ANKRD6: variants seen among roughly 807,000 people sequenced by gnomAD.
ANKRD6 encodes ankyrin repeat domain-containing protein 6.
Under a neutral mutation model 82.3 loss-of-function variants are expected in ANKRD6, and 56 were observed. The ratio of observed to expected loss-of-function variants is 0.68; its 90% CI spans 0.55 to 0.85. ANKRD6 has a LOEUF of 0.85. ANKRD6 is among the 40% of genes least tolerant of loss of function. The pLI is 0.00. For synonymous variants in ANKRD6, 347 were observed against 352.1 expected, an observed-to-expected ratio of 0.99 and a Z score of 0.16; for missense variants, 852 against 907.6, an observed-to-expected ratio of 0.94 and a Z score of 0.79.
chr6:89,600,899 T>C (rs1473963943), intron 3 of ANKRD6, among the ~76,000 whole-genome samples: 2 of 151,742 alleles, frequency 1.3e-5, no homozygotes, highest in African/African-American at 4.8e-5. Context: ...AAATTAGGCA[T>C]GGTGGCAAGT....
intron 2 of ANKRD6, chr6:89,581,659 T>TG (rs71024384): frequency 0.8 from 122,420 of 152,120 alleles, 49,720 homozygotes; most frequent in East Asian, 0.91. Flanking sequence ...AAGGGAAAAG[T>TG]GGGGGAGTGA....
intron 1 of ANKRD6, among the ~76,000 whole-genome samples, chr6:89,558,350 T>C (rs1786905714): frequency 6.6e-6 from 1 of 152,118 alleles, no homozygotes; most frequent in Non-Finnish European, 1.5e-5. Context: ...AAAAGCAAAT[T>C]GTGGTACAAT....
At chr6:89,528,897 G>C (rs955121273) in intron 1 of ANKRD6, among the ~76,000 whole-genome samples, 2 of 152,234 alleles carry the variant, frequency 1.3e-5, no homozygotes, top group African/African-American at 2.4e-5. Context: ...TGTTATCTGA[G>C]CAGTAGGTCT....
chr6:89,591,247 G>A (rs1322289943), intron 2 of ANKRD6, among the ~76,000 whole-genome samples: 3 of 152,092 alleles, frequency 2.0e-5, no homozygotes, highest in African/African-American at 7.2e-5. Flanking sequence ...GGGACTACAG[G>A]CGCACAAAAC....
Position 89,440,215 on chromosome 6 carries a change from T to C in ANKRD6, c.-144+6840T>C, listed in dbSNP as rs1582589510. On this transcript the variant is annotated intron_variant, in intron 1 of 15. Transcript: ENST00000339746. ...GGGAAAGAGTAATTCTCAAAAAGAT[T>C]TCTTAGAACTCTGGCTTATATAGCA... 2.6e-5 allele frequency among the ~76,000 whole-genome samples: 4 copies of C among 152,286 alleles called. No homozygotes were observed. In the East Asian group the frequency reaches 7.7e-4, roughly 29 times the overall value.
chr6:89,518,943 C>T (rs1362985408), intron 1 of ANKRD6, among the ~76,000 whole-genome samples: 3 of 152,232 alleles, frequency 2.0e-5, no homozygotes, highest in Non-Finnish European at 2.9e-5. Context: ...CCTTTCCCCT[C>T]AGCTTGCAGA....
chr6:89,601,643 A>G (rs1434692175), intron 3 of ANKRD6: 1 of 152,220 alleles, frequency 6.6e-6, no homozygotes, highest in African/African-American at 2.4e-5. Flanking sequence ...TAAAATATAC[A>G]TAGCATTAAA....
At chr6:89,610,390 GT>G (rs995921254) in intron 5 of ANKRD6, among the ~76,000 whole-genome samples, 8 of 152,110 alleles carry the variant, frequency 5.3e-5, no homozygotes, top group African/African-American at 1.9e-4. Flanking sequence ...TTAGCATAAT[GT>G]TTTTGAGATT....
intron 1 of ANKRD6, among the ~76,000 whole-genome samples, chr6:89,502,600 G>A (rs1779386114): frequency 6.6e-6 from 1 of 152,076 alleles, no homozygotes; most frequent in African/African-American, 2.4e-5. Flanking sequence ...TTTTAGAAGA[G>A]TCTGGGCCAA....
intron 1 of ANKRD6, among the ~76,000 whole-genome samples, chr6:89,513,415 T>A (rs1780803708): frequency 6.6e-6 from 1 of 152,218 alleles, no homozygotes; most frequent in African/African-American, 2.4e-5. Flanking sequence ...TCTTGACTTA[T>A]AATGCAATCG....
At position 89,521,733 on chromosome 6, in the gene ANKRD6, T is replaced by C. The variant is rs188267396; in HGVS notation, c.-143-45101T>C. Among the ~76,000 whole-genome samples, 14 of 152,148 alleles carry C rather than the reference T, an allele frequency of 9.2e-5. No individual in the cohort carries two copies. The East Asian group carries it at 2.7e-3, about 29-fold the overall frequency. ...TGGAGAGAATTGTATGAATCAGATC[T>C]ATTTTCCTTTGTAAAAATTTTTTTC... On this transcript the variant is annotated intron_variant, in intron 1 of 15. Coordinates refer to ENST00000339746, the MANE Select transcript of ANKRD6 (RefSeq NM_001242809.2).
intron 3 of ANKRD6, 124 bp from the exon 4 acceptor site, chr6:89,602,905 G>A: frequency 1.4e-6 from 1 of 737,058 alleles, no homozygotes; most frequent in Non-Finnish European, 2.2e-6. Context: ...AAGCCCTTCT[G>A]CGAATAACCG....
chr6:89,434,611 T>G (rs541008090), intron 1 of ANKRD6, among the ~76,000 whole-genome samples: 1 of 152,274 alleles, frequency 6.6e-6, no homozygotes, highest in East Asian at 1.9e-4. Flanking sequence ...ATTTTGAATT[T>G]TTTTATTTTA....
chr6:89,476,712 T>C (rs1034944302), intron 1 of ANKRD6, among the ~76,000 whole-genome samples: 1 of 152,218 alleles, frequency 6.6e-6, no homozygotes, highest in Non-Finnish European at 1.5e-5. Flanking sequence ...ACAGTGCTTA[T>C]AGAAAAATTT....
intron 1 of ANKRD6, among the ~76,000 whole-genome samples, chr6:89,540,042 A>G (rs1406109464): frequency 2.6e-5 from 4 of 152,184 alleles, no homozygotes; most frequent in Non-Finnish European, 5.9e-5. Flanking sequence ...GTTGATGGAC[A>G]CTTAGGTTGC....
intron 5 of ANKRD6, among the ~76,000 whole-genome samples, chr6:89,609,614 G>A (rs1362672852): frequency 4.7e-5 from 7 of 150,014 alleles, no homozygotes; most frequent in Non-Finnish European, 8.9e-5. Context: ...TAATCACCAC[G>A]TTTTTTTGTT....
rs1370135655 is a variant in ANKRD6, at chr6:89,433,573, T to TC, written c.-144+204dup. Among the ~76,000 whole-genome samples the TC allele has an allele frequency of 1.3e-5, 2 of 151,458 alleles. No individual in the cohort carries two copies. The highest frequency in any genetic ancestry group is 6.6e-5 in the Admixed American group (1 of 15,220). ...TCCGAAAACGCCCGGCGCGAGGGGG[T>TC]CCCCCCGGGGCGCCTCCCTCTTCGC... On this transcript the variant is annotated intron_variant, in intron 1 of 15. Transcript: ENST00000339746. The surrounding 1 kb of genome is among the most constrained non-coding windows in gnomAD (Gnocchi z 4.3).
chr6:89,487,363 G>A (rs892399446), intron 1 of ANKRD6, among the ~76,000 whole-genome samples: 10 of 152,132 alleles, frequency 6.6e-5, no homozygotes, highest in Non-Finnish European at 1.3e-4. Context: ...AATTCTTTCT[G>A]ACATGCAGAG....
intron 8 of ANKRD6, 122 bp downstream of exon 8, chr6:89,616,779 G>A (rs1801688621): frequency 1.0e-6 from 1 of 973,142 alleles, no homozygotes; most frequent in Non-Finnish European, 1.6e-6. Context: ...GATCTCTGCT[G>A]GAACCACAGC....
Sources: gnomAD v4.1 joint callset for allele counts (sites outside exome capture counted in the v4.1 genomes callset) on GRCh38, gnomAD v4.1.1 for gene constraint, Gnocchi (gnomAD v3.1) non-coding constraint, MANE v1.5 for transcripts, NCBI Gene and HGNC (gene_info 2026-07-23, HGNC 2026-07-21) for gene names.